UBR2: variants seen among roughly 807,000 people sequenced by gnomAD.
UBR2 encodes E3 ubiquitin-protein ligase UBR2.
UBR2 carries 92 observed loss-of-function variants against 247.9 expected under a neutral mutation model. The observed-to-expected ratio is 0.37, with a 90% CI of 0.31 to 0.44. UBR2 has a LOEUF of 0.44. UBR2 is among the 20% of genes least tolerant of loss of function. UBR2 has a pLI of 1.00. For synonymous variants in UBR2, 672 were observed against 693.5 expected, an observed-to-expected ratio of 0.97 and a Z score of 0.49; for missense variants, 1,613 against 2,112.6, an observed-to-expected ratio of 0.76 and a Z score of 4.64.
At position 42,652,552 on chromosome 6, in the gene UBR2, G is replaced by A. The variant is rs769943512; in HGVS notation, c.2676G>A (p.Leu892=). 3 of 1,613,496 alleles carry A rather than the reference G, an allele frequency of 1.9e-6. No homozygotes were observed. The South Asian group carries it at 3.3e-5, about 18-fold the overall frequency. The part of the protein sequence containing the change: ...CPLFASLVNI[L]QSDVMLCIMG... ...TGTTTGCAAGCCTGGTTAACATTTT[G>A]CAGTCAGATGTCATGTTGTGCATCA... The change falls in exon 25 of 47, where the codon TTG becomes TTA. Residue 892 remains leucine, a synonymous_variant. Coordinates refer to ENST00000372901, the MANE Select transcript of UBR2 (RefSeq NM_001363705.2).
At chr6:42,588,405 C>T (rs1339152036) in intron 2 of UBR2, among the ~76,000 whole-genome samples, 10 of 152,112 alleles carry the variant, frequency 6.6e-5, no homozygotes, top group Admixed American at 6.5e-4. Context: ...CATGGTGGCT[C>T]ATACCTGTAA....
At chr6:42,645,138 C>T (rs1049825920) in intron 20 of UBR2, among the ~76,000 whole-genome samples, 1 of 152,110 alleles carries the variant, frequency 6.6e-6, no homozygotes, top group Admixed American at 6.6e-5. Context: ...AAGGAAGGCT[C>T]TCTCTCCTTG....
chr6:42,645,687 T>C, intron 21 of UBR2, 97 bp downstream of exon 21: 1 of 1,295,318 alleles, frequency 7.7e-7, no homozygotes, highest in South Asian at 1.3e-5. Flanking sequence ...TTTCTCACAA[T>C]TGTAAAATCT....
chr6:42,676,224 G>A (rs1331989448), intron 39 of UBR2, 33 bp downstream of exon 39: 11 of 1,527,642 alleles, frequency 7.2e-6, no homozygotes, highest in Middle Eastern at 3.5e-4. Flanking sequence ...TTTCTTGAAG[G>A]AAATACTTGA....
intron 34 of UBR2, 28 bp from the exon 35 acceptor site, chr6:42,670,064 G>C: frequency 6.2e-7 from 1 of 1,611,454 alleles, no homozygotes; most frequent in South Asian, 1.1e-5. Flanking sequence ...ACATTGTTCT[G>C]AGCTAATTTT....
chr6:42,682,824 A>C (rs1220521463), intron 42 of UBR2, among the ~76,000 whole-genome samples: 1 of 152,202 alleles, frequency 6.6e-6, no homozygotes, highest in African/African-American at 2.4e-5. Context: ...TAGTAAGATA[A>C]TGATGTTTAT....
At chr6:42,645,722 C>T (rs1185801777) in intron 21 of UBR2, 132 bp downstream of exon 21, 8 of 906,340 alleles carry the variant, frequency 8.8e-6, no homozygotes, top group South Asian at 3.3e-5. Context: ...TGTATAATTC[C>T]GGTCACTCTT....
chr6:42,633,915 G>A (rs1360004116), intron 13 of UBR2, among the ~76,000 whole-genome samples: 1 of 151,212 alleles, frequency 6.6e-6, no homozygotes. Flanking sequence ...ATTTTTAGTA[G>A]AGACGAGGTT....
At chr6:42,678,147 T>C (rs1031312315) in intron 40 of UBR2, among the ~76,000 whole-genome samples, 1 of 152,098 alleles carries the variant, frequency 6.6e-6, no homozygotes, top group African/African-American at 2.4e-5. Context: ...CCATCCTGGC[T>C]AACACAGCGA....
chr6:42,649,383 C>T (rs901794718), intron 22 of UBR2, among the ~76,000 whole-genome samples: 1 of 152,130 alleles, frequency 6.6e-6, no homozygotes, highest in African/African-American at 2.4e-5. Flanking sequence ...TCCAGATTTT[C>T]TCTTATAAAC....
intron 19 of UBR2, 49 bp from the exon 20 acceptor site, chr6:42,644,424 A>AAT: frequency 6.2e-7 from 1 of 1,602,918 alleles, no homozygotes; most frequent in Non-Finnish European, 8.5e-7. Flanking sequence ...GAGATTATGC[A>AAT]ATATGCATAT....
intron 1 of UBR2, among the ~76,000 whole-genome samples, chr6:42,572,750 C>T (rs1399819515): frequency 6.6e-6 from 1 of 151,084 alleles, no homozygotes; most frequent in Non-Finnish European, 1.5e-5. Flanking sequence ...CAGACTCTTG[C>T]TCTGTCGCCC....
At chr6:42,597,301 A>G (rs1367091046) in intron 4 of UBR2, among the ~76,000 whole-genome samples, 1 of 152,140 alleles carries the variant, frequency 6.6e-6, no homozygotes, top group Non-Finnish European at 1.5e-5. Context: ...ATTTATATTT[A>G]AGAGTTTAAT....
chr6:42,584,018 A>G (rs1410887562), intron 2 of UBR2, among the ~76,000 whole-genome samples: 1 of 126,232 alleles, frequency 7.9e-6, no homozygotes, highest in Non-Finnish European at 1.7e-5. Context: ...TTTTTTTGAT[A>G]CAGAGTTTTG....
At chr6:42,575,274 C>T (rs1791432318) in intron 2 of UBR2, among the ~76,000 whole-genome samples, 1 of 152,090 alleles carries the variant, frequency 6.6e-6, no homozygotes, top group South Asian at 2.1e-4. Flanking sequence ...CTCTGGTTAT[C>T]TATGGTAGTT....
chr6:42,686,615 G>A (rs1259898389), intron 44 of UBR2, among the ~76,000 whole-genome samples: 1 of 152,204 alleles, frequency 6.6e-6, no homozygotes, highest in Admixed American at 6.5e-5. Flanking sequence ...ATGGGGTGGC[G>A]GCCAGGTAGA....
intron 42 of UBR2, among the ~76,000 whole-genome samples, chr6:42,682,716 A>G (rs902958307): frequency 6.6e-6 from 1 of 152,170 alleles, no homozygotes; most frequent in African/African-American, 2.4e-5. Context: ...ACCTGGCCAA[A>G]AAAGTTTTAT....
At position 42,641,389 on chromosome 6, in the gene UBR2, G is replaced by A. The variant is rs138447207; in HGVS notation, c.1921-193G>A. Among the ~76,000 whole-genome samples the A allele has an allele frequency of 4.5e-3, 682 of 152,138 alleles. 3 individuals carry two copies. The highest frequency in any genetic ancestry group is 0.014 in the African/African-American group (564 of 41,512). On this transcript the variant is annotated intron_variant, in intron 16 of 46. Coordinates refer to ENST00000372901, the MANE Select transcript of UBR2 (RefSeq NM_001363705.2). ...TGAGGCAGGAGAATGGCTTGAACCTGGGAGGCCGAGATCGCACCACTGCAC... is the reference window on the plus strand; with the variant it reads ...TGAGGCAGGAGAATGGCTTGAACCTAGGAGGCCGAGATCGCACCACTGCAC...
At chr6:42,647,565 C>T (rs1211430221) in intron 21 of UBR2, among the ~76,000 whole-genome samples, 1 of 151,990 alleles carries the variant, frequency 6.6e-6, no homozygotes, top group Non-Finnish European at 1.5e-5. Context: ...CATTGCACTC[C>T]AGCCTGGGTA....
Sources: gnomAD v4.1 joint callset for allele counts (sites outside exome capture counted in the v4.1 genomes callset) on GRCh38, gnomAD v4.1.1 for gene constraint, MANE v1.5 for transcripts, NCBI Gene and HGNC (gene_info 2026-07-23, HGNC 2026-07-21) for gene names.